EAF1: variants seen among roughly 807,000 people sequenced by gnomAD.
The protein encoded by EAF1 is ELL-associated factor 1.
A neutral mutation model predicts 26.6 loss-of-function variants in EAF1; 19 were observed. That is an observed-to-expected ratio of 0.71 (90% confidence interval 0.50 to 1.05). The LOEUF is 1.05. Among genes scored for constraint, EAF1 ranks in the 50% least tolerant of loss-of-function variants. EAF1 has a pLI of 0.00. For synonymous variants in EAF1, 102 were observed against 120.6 expected (o/e 0.85, Z 1.01); for missense variants, 260 against 335.5 (o/e 0.78, Z 1.76).
At chr3:15,428,446 A>C (rs937549728) in intron 1 of EAF1, among the ~76,000 whole-genome samples, 2 of 152,050 alleles carry the variant, frequency 1.3e-5, no homozygotes, top group Non-Finnish European at 2.9e-5. Flanking sequence ...GCCTCATCAG[A>C]GTCTTCTTCC....
rs1434535714 is a variant in EAF1 at position 15,436,525 on chromosome 3, C to G, written c.710C>G (p.Ala237Gly). Residue 237 changes from alanine to glycine, a missense_variant, in exon 5 of 6, where the codon GCC becomes GGC. Coordinates refer to ENST00000396842, the MANE Select transcript of EAF1 (RefSeq NM_033083.7). Reference sequence around the variant, plus strand: ...CCCTACAACAGTAGGCCTGCCGTTGCCAATGGAACCAGCCGGCCACAAGGA... The same window carrying G: ...CCCTACAACAGTAGGCCTGCCGTTGGCAATGGAACCAGCCGGCCACAAGGA... ...QQPYNSRPAV[A>G]NGTSRPQGSN... The G allele has an allele frequency of 6.3e-7, 1 of 1,593,486 alleles. No homozygotes were observed.
intron 2 of EAF1, among the ~76,000 whole-genome samples, chr3:15,431,200 G>C (rs145342601): frequency 6.6e-6 from 1 of 152,316 alleles, no homozygotes; most frequent in African/African-American, 2.4e-5. Flanking sequence ...CCCATTACTA[G>C]GCATGAAGTA....
intron 2 of EAF1, 79 bp from the exon 3 acceptor site, chr3:15,432,008 G>A (rs2290535): frequency 0.31 from 444,091 of 1,455,418 alleles, 70,974 homozygotes; most frequent in South Asian, 0.4. Flanking sequence ...ATTTCATCAG[G>A]TGGAGTCATC....
Position 15,436,570 on chromosome 3 carries a change from C to T in EAF1, c.755C>T (p.Thr252Ile). Residue 252 changes from threonine to isoleucine, a missense_variant, in exon 5 of 6, where the codon ACC (threonine) becomes ATC (isoleucine). Coordinates refer to ENST00000396842, the MANE Select transcript of EAF1 (RefSeq NM_033083.7). ...CAAGGAAGCAACCAGCTCATGAACACCCTCAGTAAGTGTGTACTCCTTTTT... is the reference window on the plus strand; with the variant it reads ...CAAGGAAGCAACCAGCTCATGAACATCCTCAGTAAGTGTGTACTCCTTTTT... The part of the protein sequence containing the change: ...RPQGSNQLMN[T>I]LRNDLQLSES... 1.9e-6 allele frequency: 3 copies of T among 1,583,508 alleles called. No homozygotes were observed. The highest frequency in any genetic ancestry group is 2.6e-6 in the Non-Finnish European group (3 of 1,155,134).
rs2061877283 is a variant in EAF1, at chr3:15,442,503, AAG to A, written c.*3349_*3350del. The A allele has an allele frequency of 1.3e-5, 2 of 152,582 alleles. No homozygotes were observed. The highest frequency in any genetic ancestry group is 4.8e-5 in the African/African-American group (2 of 41,410). The allele number at this position is 152,582 out of a possible 1,614,324, so 9.5% of individuals were successfully genotyped here. A position where few individuals can be genotyped will look rare whatever the true frequency, so the allele number is the denominator to read the frequency against. The stretch of plus-strand genomic sequence containing the variant: ...CTAAAAGTTTTTTTGCTTAATTATG[AAG>A]TAGACATGCATGTTTACATTTATGT... On this transcript the variant is annotated 3_prime_UTR_variant, in exon 6 of 6. Transcript: ENST00000396842.
rs901322518 is a variant in EAF1, at chr3:15,439,637, T to G, written c.*482T>G. 1 of 152,486 alleles carries G rather than the reference T, an allele frequency of 6.6e-6. No individual in the cohort carries two copies. The highest frequency in any genetic ancestry group is 1.5e-5 in the Non-Finnish European group (1 of 68,304). 9.4% of individuals were successfully genotyped at this position (152,486 alleles called of 1,614,324 possible). On this transcript the variant is annotated 3_prime_UTR_variant, in exon 6 of 6. Transcript: ENST00000396842. ...ACCACTTTAAATTGTTGACACAAAG[T>G]GGTAAGGAAGTTTTGTCTGACTCAG...
Position 15,436,555 on chromosome 3 carries a change from A to G in EAF1, c.740A>G (p.Asn247Ser). 1 of 1,589,352 alleles carries G rather than the reference A, an allele frequency of 6.3e-7. No homozygotes were observed. The highest frequency in any genetic ancestry group is 1.1e-5 in the South Asian group (1 of 90,398). Reference protein sequence around the residue: ...ANGTSRPQGSNQLMNTLRNDL... With the variant: ...ANGTSRPQGSSQLMNTLRNDL... ...GGAACCAGCCGGCCACAAGGAAGCA[A>G]CCAGCTCATGAACACCCTCAGTAAG... Residue 247 changes from asparagine (N) to serine (S), a missense_variant, in exon 5 of 6, where the codon AAC becomes AGC. Asn to Ser is a conservative substitution (Grantham distance 46). Transcript: ENST00000396842.
chr3:15,437,189 C>A (rs1283778350), intron 5 of EAF1, among the ~76,000 whole-genome samples: 1 of 151,402 alleles, frequency 6.6e-6, no homozygotes, highest in Non-Finnish European at 1.5e-5. Flanking sequence ...AACCACCATG[C>A]CTGCCTATCT....
rs1473907899 is a variant in EAF1 at position 15,442,418 on chromosome 3, T to C, written c.*3263T>C. On this transcript the variant is annotated 3_prime_UTR_variant, in exon 6 of 6. Coordinates refer to ENST00000396842, the MANE Select transcript of EAF1 (RefSeq NM_033083.7). ...AGAGTTAGGAAATGTGAGTTTTTGT[T>C]ACTTCTGTTATTCCAGTCTTGGTTT... 1 of 152,668 alleles carries C rather than the reference T, an allele frequency of 6.6e-6. No homozygotes were observed. Among genetic ancestry groups the C allele is most frequent in the Admixed American group, 6.5e-5 (1 of 15,286 alleles). 9.5% of individuals were successfully genotyped at this position (152,668 alleles called of 1,614,324 possible).
intron 5 of EAF1, among the ~76,000 whole-genome samples, chr3:15,437,895 A>G (rs2061844572): frequency 6.6e-6 from 1 of 152,170 alleles, no homozygotes; most frequent in Non-Finnish European, 1.5e-5. Flanking sequence ...AGGATGTTTA[A>G]GAGCATCCCT....
chr3:15,431,979 T>A, intron 2 of EAF1, 108 bp from the exon 3 acceptor site: 3 of 1,295,728 alleles, frequency 2.3e-6, no homozygotes, highest in Non-Finnish European at 3.1e-6. Context: ...CTGTTCTTTT[T>A]GAATAGCTCT....
At chr3:15,430,459 CAAAA>C (rs11300135) in intron 2 of EAF1, among the ~76,000 whole-genome samples, 4 of 129,956 alleles carry the variant, frequency 3.1e-5, no homozygotes, top group Non-Finnish European at 3.4e-5. Context: ...GACTCCCCCT[CAAAA>C]AAAAAAAAAA....
At position 15,427,774 on chromosome 3, in the gene EAF1, G is replaced by T; in HGVS notation, c.-6G>T. On this transcript the variant is annotated 5_prime_UTR_variant, in exon 1 of 6. Coordinates refer to ENST00000396842, the MANE Select transcript of EAF1 (RefSeq NM_033083.7). ...GCCGATCTGGGTGCGAGGCAGGTGC[G>T]GGGCCATGAATGGGACCGCAAACCC... is the stretch of plus-strand genomic sequence containing the variant. 1 of 1,551,040 alleles carries T rather than the reference G, an allele frequency of 6.4e-7. No homozygotes were observed. The highest frequency in any genetic ancestry group is 8.7e-7 in the Non-Finnish European group (1 of 1,146,788).
chr3:15,431,137 G>A (rs1400261638), intron 2 of EAF1, among the ~76,000 whole-genome samples: 2 of 152,092 alleles, frequency 1.3e-5, no homozygotes, highest in Non-Finnish European at 2.9e-5. Flanking sequence ...TTCTAAGCAA[G>A]GCATTAAATA....
At position 15,436,436 on chromosome 3, in the gene EAF1, T is replaced by C; in HGVS notation, c.621T>C (p.Asp207=). The change falls in exon 5 of 6, where the codon GAT becomes GAC. Residue 207 remains aspartate, a synonymous_variant. Coordinates refer to ENST00000396842, the MANE Select transcript of EAF1 (RefSeq NM_033083.7). The stretch of plus-strand genomic sequence containing the variant: ...AGAGCTCTTCGGGAAGTGATGACGA[T>C]AGCTCCAGCAGTGGAGGCGAGGACA... ...DSESSSGSDD[D]SSSSGGEDNG... 1.9e-6 allele frequency: 3 copies of C among 1,613,996 alleles called. No homozygotes were observed. Among genetic ancestry groups the C allele is most frequent in the Non-Finnish European group, 2.5e-6 (3 of 1,179,878 alleles).
chr3:15,437,230 CCAGA>C (rs1394461916), intron 5 of EAF1, among the ~76,000 whole-genome samples: 4 of 148,262 alleles, frequency 2.7e-5, no homozygotes, highest in Non-Finnish European at 4.5e-5. Flanking sequence ...TCCACTGTCC[CCAGA>C]CAGTGTGGTG....
In EAF1 at chr3:15,434,428, C is replaced by T. The variant is rs766571405; in HGVS notation, c.416C>T (p.Pro139Leu). 1 of 1,614,226 alleles carries T rather than the reference C, an allele frequency of 6.2e-7. No individual in the cohort carries two copies. Among genetic ancestry groups the T allele is most frequent in the Admixed American group, 1.7e-5 (1 of 60,030 alleles). Reference protein sequence around the residue: ...RPPQTSQPPPPPPPMPFRAPT... With the variant: ...RPPQTSQPPPLPPPMPFRAPT... ...CCACAGACGTCACAGCCACCACCAC[C>T]TCCACCACCTATGCCATTCAGAGCT... The change falls in exon 4 of 6, where the codon CCT (proline) becomes CTT (leucine). Residue 139 changes from proline (P) to leucine (L), a missense_variant. Coordinates refer to ENST00000396842, the MANE Select transcript of EAF1 (RefSeq NM_033083.7).
intron 4 of EAF1, among the ~76,000 whole-genome samples, chr3:15,435,319 TTG>T (rs2061828408): frequency 6.6e-6 from 1 of 152,212 alleles, no homozygotes; most frequent in African/African-American, 2.4e-5. Context: ...TCTTTAGAAG[TTG>T]TGAGGTCATA....
At chr3:15,428,550 G>T (rs533757343) in intron 1 of EAF1, among the ~76,000 whole-genome samples, 1 of 152,208 alleles carries the variant, frequency 6.6e-6, no homozygotes, top group Non-Finnish European at 1.5e-5. Context: ...TGTGGGTAAA[G>T]AGTCAAATCA....
Sources: gnomAD v4.1 joint callset for allele counts (sites outside exome capture counted in the v4.1 genomes callset) on GRCh38, gnomAD v4.1.1 for gene constraint, MANE v1.5 for transcripts, NCBI Gene and HGNC (gene_info 2026-07-23, HGNC 2026-07-21) for gene names.